The following MED12L variants were observed in gnomAD, a reference collection of about 807,000 sequenced individuals.
The protein encoded by MED12L is mediator of RNA polymerase II transcription subunit 12-like protein.
A neutral mutation model predicts 281.3 loss-of-function variants in MED12L; 60 were observed. The ratio of observed to expected loss-of-function variants is 0.21; its 90% CI spans 0.17 to 0.26. MED12L has a LOEUF of 0.26. Among genes scored for constraint, MED12L ranks in the 10% least tolerant of loss-of-function variants. The probability of loss-of-function intolerance (pLI) is 1.00; values close to 1 mark genes in which losing one functional copy is unlikely to be tolerated. For synonymous variants in MED12L, 974 were observed against 987.2 expected, an observed-to-expected ratio of 0.99 and a Z score of 0.25; for missense variants, 2,146 against 2,680.9, an observed-to-expected ratio of 0.80 and a Z score of 4.41.
intron 16 of MED12L, among the ~76,000 whole-genome samples, chr3:151,301,348 G>A (rs7623356): frequency 0.82 from 125,399 of 152,156 alleles, 51,981 homozygotes; most frequent in African/African-American, 0.92. Flanking sequence ...TTGCCTGATA[G>A]ACACATTTTT....
intron 16 of MED12L, among the ~76,000 whole-genome samples, chr3:151,342,869 T>C (rs956934833): frequency 2.6e-5 from 4 of 152,192 alleles, no homozygotes; most frequent in African/African-American, 9.7e-5. Context: ...TTTCTTACAC[T>C]GTCATGGATT....
chr3:151,318,979 C>T (rs185341617), intron 16 of MED12L, among the ~76,000 whole-genome samples: 396 of 152,204 alleles, frequency 2.6e-3, no homozygotes, highest in African/African-American at 8.9e-3. Flanking sequence ...GCAACGTGCC[C>T]GGGACGGTAG....
intron 2 of MED12L, among the ~76,000 whole-genome samples, chr3:151,090,433 T>C (rs1406256380): frequency 6.6e-6 from 1 of 152,204 alleles, no homozygotes; most frequent in Non-Finnish European, 1.5e-5. Flanking sequence ...CTTATTTGCA[T>C]CTTGCCATCT....
intron 16 of MED12L, among the ~76,000 whole-genome samples, chr3:151,256,591 A>G (rs1346523923): frequency 6.9e-6 from 1 of 144,956 alleles, no homozygotes; most frequent in East Asian, 2.2e-4. Context: ...GTCCTAAAGT[A>G]CCTCTCCATT....
At chr3:151,117,480 C>G (rs1272595509) in intron 3 of MED12L, among the ~76,000 whole-genome samples, 6 of 152,166 alleles carry the variant, frequency 3.9e-5, no homozygotes, top group African/African-American at 1.4e-4. Flanking sequence ...ATTACCTTTT[C>G]TAGCCCAGTG....
chr3:151,197,130 G>A (rs907493704), intron 16 of MED12L, among the ~76,000 whole-genome samples: 17 of 152,120 alleles, frequency 1.1e-4, no homozygotes, highest in Admixed American at 1.0e-3. Context: ...GACTCTGAGA[G>A]CTGGAGTCAG....
At chr3:151,399,154 T>G (rs1252011706) in intron 39 of MED12L, among the ~76,000 whole-genome samples, 1 of 152,228 alleles carries the variant, frequency 6.6e-6, no homozygotes, top group East Asian at 1.9e-4. Context: ...ATCTATAAAC[T>G]GGAGCTAATA....
intron 16 of MED12L, among the ~76,000 whole-genome samples, chr3:151,336,130 C>G (rs760705954): frequency 6.6e-6 from 1 of 152,190 alleles, no homozygotes; most frequent in Non-Finnish European, 1.5e-5. Context: ...TAGTTGATCT[C>G]TAGATTGTCT....
rs1755100535 is a variant in MED12L at position 151,365,007 on chromosome 3, A to G, written c.2986A>G (p.Ile996Val). Reference protein sequence around the residue: ...SSACSKVKQTIYNNVMPANSN... With the variant: ...SSACSKVKQTVYNNVMPANSN... Reference sequence around the variant, plus strand: ...TGCCTGTTCAAAAGTAAAGCAAACCATATATAATAACGTGATGCCTGCAAA... The same window carrying G: ...TGCCTGTTCAAAAGTAAAGCAAACCGTATATAATAACGTGATGCCTGCAAA... Residue 996 changes from isoleucine to valine, a missense_variant, in exon 22 of 45, where the codon ATA (isoleucine) becomes GTA (valine). Coordinates refer to ENST00000687756, the MANE Select transcript of MED12L (RefSeq NM_001393769.1). 9 of 1,614,018 alleles carry G rather than the reference A, an allele frequency of 5.6e-6. No homozygotes were observed. Among genetic ancestry groups the G allele is most frequent in the South Asian group, 1.1e-5 (1 of 91,086 alleles).
intron 11 of MED12L, among the ~76,000 whole-genome samples, chr3:151,166,929 C>T (rs1007956962): frequency 1.3e-5 from 2 of 152,176 alleles, no homozygotes; most frequent in Non-Finnish European, 2.9e-5. Flanking sequence ...CTGCCTCAGC[C>T]TCCCAAAGTG....
At position 151,411,514 on chromosome 3, in the gene MED12L, C is replaced by A; in HGVS notation, c.6140+7C>A. 6.2e-7 allele frequency: 1 copy of A among 1,611,998 alleles called. No homozygotes were observed. Among genetic ancestry groups the A allele is most frequent in the Non-Finnish European group, 8.5e-7 (1 of 1,178,088 alleles). The stretch of plus-strand genomic sequence containing the variant: ...CCCTGACTGGCTCTCAGAGGTGATA[C>A]ATGTGGAAATGATGATGGCAATAAT... On this transcript the variant is annotated splice_region_variant and intron_variant, in intron 41 of 44. Coordinates refer to ENST00000687756, the MANE Select transcript of MED12L (RefSeq NM_001393769.1).
intron 5 of MED12L, among the ~76,000 whole-genome samples, chr3:151,147,920 A>G (rs1717952083): frequency 6.6e-6 from 1 of 152,214 alleles, no homozygotes; most frequent in Non-Finnish European, 1.5e-5. Flanking sequence ...ATGACATTAT[A>G]TTTAACCTTT....
At chr3:151,339,350 G>C (rs1751478109) in intron 16 of MED12L, among the ~76,000 whole-genome samples, 1 of 148,806 alleles carries the variant, frequency 6.7e-6, no homozygotes. Context: ...TTGCCTGTTA[G>C]AATCCTAAAG....
chr3:151,095,451 C>T (rs928078014), intron 2 of MED12L, among the ~76,000 whole-genome samples: 23 of 152,178 alleles, frequency 1.5e-4, no homozygotes, highest in Non-Finnish European at 2.8e-4. Flanking sequence ...TATTCTCCTG[C>T]CTCAGCCCCC....
chr3:151,406,266 T>C (rs946380529), intron 39 of MED12L, among the ~76,000 whole-genome samples: 2 of 152,252 alleles, frequency 1.3e-5, no homozygotes, highest in African/African-American at 2.4e-5. Context: ...GTGGTTCTTA[T>C]TTAACATTTG....
intron 11 of MED12L, among the ~76,000 whole-genome samples, chr3:151,179,478 T>G (rs564804744): frequency 6.6e-6 from 1 of 152,304 alleles, no homozygotes; most frequent in Admixed American, 6.5e-5. Context: ...TTTTCTTATG[T>G]CCAAAGAATT....
At position 151,249,665 on chromosome 3, in the gene MED12L, G is replaced by T. The variant is rs556770890; in HGVS notation, c.2250+55999G>T. On this transcript the variant is annotated intron_variant, in intron 16 of 44. Transcript: ENST00000687756. ...TCCTGACACATTTCCAGCCTTGAAT[G>T]GGGGCTTTTGGGTCTCCAATCATTC... Among the ~76,000 whole-genome samples the T allele has an allele frequency of 2.6e-3, 389 of 152,234 alleles. 1 individual carries two copies. The highest frequency in any genetic ancestry group is 9.1e-3 in the African/African-American group (378 of 41,540).
At chr3:151,303,366 C>T (rs1286470544) in intron 16 of MED12L, among the ~76,000 whole-genome samples, 4 of 151,966 alleles carry the variant, frequency 2.6e-5, no homozygotes, top group African/African-American at 7.3e-5. Context: ...AGAGAAAGGT[C>T]TGGAGCTTGG....
chr3:151,117,848 G>C (rs950043543), intron 3 of MED12L, among the ~76,000 whole-genome samples: 6 of 151,582 alleles, frequency 4.0e-5, no homozygotes, highest in African/African-American at 1.2e-4. Context: ...CCCAGCACTT[G>C]GGGAGGCCGA....
Sources: gnomAD v4.1 joint callset for allele counts (sites outside exome capture counted in the v4.1 genomes callset) on GRCh38, gnomAD v4.1.1 for gene constraint, MANE v1.5 for transcripts, NCBI Gene and HGNC (gene_info 2026-07-23, HGNC 2026-07-21) for gene names.